The following ATAD3C variants were observed in gnomAD, a reference collection of about 807,000 sequenced individuals.
ATAD3C encodes the protein ATPase family AAA domain-containing protein 3C.
A neutral mutation model predicts 46.3 loss-of-function variants in ATAD3C; 38 were observed. The ratio of observed to expected loss-of-function variants is 0.82; its 90% confidence interval spans 0.63 to 1.08. The LOEUF (loss-of-function observed/expected upper bound fraction) is 1.08, where lower values mean the gene tolerates loss of function less well. Ranked by LOEUF, ATAD3C falls within the 50% of genes least tolerant of loss-of-function variation. The pLI is 0.00. For missense variants in ATAD3C, 563 were observed against 572.7 expected, an observed-to-expected ratio of 0.98 and a Z score of 0.17; for synonymous variants, 220 against 236.4, an observed-to-expected ratio of 0.93 and a Z score of 0.63.
rs1261936147 is a variant in ATAD3C, at chr1:1,459,315, C to T, written c.812+84C>T. The T allele has an allele frequency of 2.5e-6, 4 of 1,601,434 alleles. No individual in the cohort carries two copies. Among genetic ancestry groups the T allele is most frequent in the Non-Finnish European group, 3.4e-6 (4 of 1,175,744 alleles). On this transcript the variant is annotated intron_variant, in intron 9 of 11. Coordinates refer to ENST00000378785, the MANE Select transcript of ATAD3C (RefSeq NM_001039211.3). The surrounding 1 kb of genome is among the most constrained non-coding windows in gnomAD (Gnocchi z 4.9). ...GTTCCCACCGAGGGACCTGAGGGGC[C>T]CTGGCTCACAGTGCTGGGCAGCTGC...
chr1:1,462,537 G>T lies in ATAD3C; in HGVS notation c.981-63G>T. ...TGTCCGCCTGGCTGCCTGTCTTCCG[G>T]CCTCCACCTCGTGGTGTGGGAGCTG... On this transcript the variant is annotated intron_variant, in intron 10 of 11. Transcript: ENST00000378785. The surrounding 1 kb of genome is among the most constrained non-coding windows in gnomAD (Gnocchi z 4.5). 2.0e-6 allele frequency: 3 copies of T among 1,475,600 alleles called. No homozygotes were observed. In the South Asian group the frequency reaches 3.6e-5, roughly 18 times the overall value. 91.4% of individuals were successfully genotyped at this position (1,475,600 alleles called of 1,614,324 possible).
chr1:1,456,952 A>G (rs778076093), intron 7 of ATAD3C, among the ~76,000 whole-genome samples, 177 bp from the exon 8 acceptor site: 10 of 152,008 alleles, frequency 6.6e-5, no homozygotes, highest in South Asian at 4.2e-4. Flanking sequence ...CCTGCGGGGC[A>G]GAGTCTGCTT....
At chr1:1,467,258 T>C (rs1466864925) in intron 11 of ATAD3C, among the ~76,000 whole-genome samples, 4 of 152,032 alleles carry the variant, frequency 2.6e-5, no homozygotes, top group Non-Finnish European at 5.9e-5. Flanking sequence ...GGGCCCTGGG[T>C]GAGGTGCAGC....
At chr1:1,468,342 G>T in intron 11 of ATAD3C, 42 bp from the exon 12 acceptor site, 2 of 1,581,030 alleles carry the variant, frequency 1.3e-6, no homozygotes, top group Admixed American at 1.9e-5. Flanking sequence ...GGGGTGGGGG[G>T]TTCCCATGGC....
chr1:1,457,064 C>G (rs1035917147), intron 7 of ATAD3C, 65 bp from the exon 8 acceptor site: 6 of 1,606,520 alleles, frequency 3.7e-6, no homozygotes, highest in Non-Finnish European at 5.1e-6. Context: ...CTGCCATGGC[C>G]GGACGCCGCT....
intron 11 of ATAD3C, among the ~76,000 whole-genome samples, chr1:1,468,165 A>T (rs2100493764): frequency 6.6e-6 from 1 of 152,232 alleles, no homozygotes; most frequent in East Asian, 1.9e-4. Flanking sequence ...ATTGAGCAAC[A>T]TTGGTGCTGA....
rs190264554 is a variant in ATAD3C at position 1,459,247 on chromosome 1, G to A, written c.812+16G>A. On this transcript the variant is annotated intron_variant, in intron 9 of 11. Coordinates refer to ENST00000378785, the MANE Select transcript of ATAD3C (RefSeq NM_001039211.3). This position sits in a 1 kb window ranked among gnomAD's most constrained non-coding sequence, Gnocchi z 4.9. ...ACAGCAACAAGTGAGGGAGCCCCTC[G>A]GGTCCTGGGCCCCCGGGCAGGGCTG... is the stretch of plus-strand genomic sequence containing the variant. 18,226 of 1,611,752 alleles carry A rather than the reference G, an allele frequency of 0.011. 241 individuals carry two copies. Among genetic ancestry groups the A allele is most frequent in the Admixed American group, 0.058 (3,496 of 59,826 alleles).
chr1:1,464,294 C>T (rs938481135), intron 11 of ATAD3C, among the ~76,000 whole-genome samples: 10 of 151,622 alleles, frequency 6.6e-5, no homozygotes, highest in African/African-American at 2.4e-4. Context: ...CTGAAGGCTA[C>T]AGGCCCAAGG....
In ATAD3C at chr1:1,468,844, C is replaced by G. The variant is rs1355427133; in HGVS notation, c.*314C>G. 1 of 355,988 alleles carries G rather than the reference C, an allele frequency of 2.8e-6. No homozygotes were observed. Among genetic ancestry groups the G allele is most frequent in the African/African-American group, 2.2e-5 (1 of 46,128 alleles). The allele number at this position is 355,988 out of a possible 1,614,324, so 22.1% of individuals were successfully genotyped here. A position where few individuals can be genotyped will look rare whatever the true frequency, so the allele number is the denominator to read the frequency against. ...TGAGGCCGTGCATACGCGGGTGCCC[C>G]TTCGCCTCCCTCCCCTCCGCCAGAG... is the stretch of plus-strand genomic sequence containing the variant. On this transcript the variant is annotated 3_prime_UTR_variant, in exon 12 of 12. Coordinates refer to ENST00000378785, the MANE Select transcript of ATAD3C (RefSeq NM_001039211.3).
At chr1:1,464,734 G>A (rs1331355328) in intron 11 of ATAD3C, among the ~76,000 whole-genome samples, 1 of 151,878 alleles carries the variant, frequency 6.6e-6, no homozygotes, top group African/African-American at 2.4e-5. Context: ...TGGTGCCATT[G>A]AACTCCAGTC....
Position 1,469,834 on chromosome 1 carries a change from G to C in ATAD3C, c.*1304G>C, listed in dbSNP as rs1639213325. On this transcript the variant is annotated 3_prime_UTR_variant, in exon 12 of 12. Transcript: ENST00000378785. ...GTGACCTGCACTTATACATCCAGATGGCCTGAAGCAACTGAAGATCCACAA... is the reference window on the plus strand; with the variant it reads ...GTGACCTGCACTTATACATCCAGATCGCCTGAAGCAACTGAAGATCCACAA... 6.6e-6 allele frequency: 1 copy of C among 151,992 alleles called. No individual in the cohort carries two copies. The allele number at this position is 151,992 out of a possible 1,614,324, so 9.4% of individuals were successfully genotyped here.
chr1:1,465,414 A>G (rs1639129433), intron 11 of ATAD3C, among the ~76,000 whole-genome samples: 1 of 149,186 alleles, frequency 6.7e-6, no homozygotes. Context: ...ACATGGTGAA[A>G]CCCCATCTCT....
chr1:1,457,624 C>A lies in ATAD3C; in HGVS notation c.741+444C>A, dbSNP rs935049763. Among the ~76,000 whole-genome samples, 223 of 124,078 alleles carry A rather than the reference C, an allele frequency of 1.8e-3. 1 individual carries two copies. The highest frequency in any genetic ancestry group is 6.4e-3 in the African/African-American group (176 of 27,406). 81.4% of individuals were successfully genotyped at this position (124,078 alleles called of 152,430 possible). A position where few individuals can be genotyped will look rare whatever the true frequency, so the allele number is the denominator to read the frequency against. ...AAAAAAAAAAAAAAAACAAAAAAAA[C>A]AGCATTTTTTTAGGTCAGCTTAAAG... is the stretch of plus-strand genomic sequence containing the variant. On this transcript the variant is annotated intron_variant, in intron 8 of 11. Coordinates refer to ENST00000378785, the MANE Select transcript of ATAD3C (RefSeq NM_001039211.3).
chr1:1,457,472 C>T lies in ATAD3C; in HGVS notation c.741+292C>T, dbSNP rs372469838. 3.9e-3 allele frequency among the ~76,000 whole-genome samples: 586 copies of T among 150,626 alleles called. 6 individuals carry two copies. Among genetic ancestry groups the T allele is most frequent in the African/African-American group, 0.013 (517 of 41,102 alleles). ...TTAGCTGTGCGTGGTGGCGGGCGCC[C>T]GTAGTCCCAGCTACTCGGGAGGCTG... is the stretch of plus-strand genomic sequence containing the variant. On this transcript the variant is annotated intron_variant, in intron 8 of 11. Transcript: ENST00000378785.
Position 1,469,653 on chromosome 1 carries a change from G to A in ATAD3C, c.*1123G>A, listed in dbSNP as rs1435986673. 6.6e-6 allele frequency: 1 copy of A among 151,392 alleles called. No homozygotes were observed. The highest frequency in any genetic ancestry group is 1.5e-5 in the Non-Finnish European group (1 of 67,948). 9.4% of individuals were successfully genotyped at this position (151,392 alleles called of 1,614,324 possible). On this transcript the variant is annotated 3_prime_UTR_variant, in exon 12 of 12. Coordinates refer to ENST00000378785, the MANE Select transcript of ATAD3C (RefSeq NM_001039211.3). Reference sequence around the variant, plus strand: ...GGCTTCCTAAAGTGTTGGGATTACAGGCTTGAGCCACCGTGCCTGGTCTGT... The same window carrying A: ...GGCTTCCTAAAGTGTTGGGATTACAAGCTTGAGCCACCGTGCCTGGTCTGT...
chr1:1,460,786 G>A lies in ATAD3C; in HGVS notation c.849G>A (p.Gln283=), dbSNP rs1182052102. 1 of 1,612,032 alleles carries A rather than the reference G, an allele frequency of 6.2e-7. No homozygotes were observed. Among genetic ancestry groups the A allele is most frequent in the Non-Finnish European group, 8.5e-7 (1 of 1,178,984 alleles). Residue 283 remains glutamine, a synonymous_variant, in exon 10 of 12, where the codon CAG becomes CAA. Coordinates refer to ENST00000378785, the MANE Select transcript of ATAD3C (RefSeq NM_001039211.3). ...TCCTGGCCAGCTGCCACCCCGAGCA[G>A]TTCGACTGGGCCATCAATGCCTGCA... The part of the protein sequence containing the change: ...MLILASCHPE[Q]FDWAINACID...
In ATAD3C at chr1:1,460,736, T is replaced by A. The variant is rs375748780; in HGVS notation, c.813-14T>A. On this transcript the variant is annotated splice_polypyrimidine_tract_variant and intron_variant, in intron 9 of 11. Coordinates refer to ENST00000378785, the MANE Select transcript of ATAD3C (RefSeq NM_001039211.3). ...GGCAGCCCCAGCGTTTCCTTCCCCA[T>A]CCCCGCCCCGCAGATTCATGCTGAT... 5.5e-5 allele frequency: 87 copies of A among 1,593,232 alleles called. 3 individuals carry two copies. Among genetic ancestry groups the A allele is most frequent in the Middle Eastern group, 5.0e-4 (3 of 5,984 alleles).
Position 1,467,970 on chromosome 1 carries a change from G to A in ATAD3C, c.1090-414G>A, listed in dbSNP as rs537265337. 2.0e-5 allele frequency among the ~76,000 whole-genome samples: 3 copies of A among 152,100 alleles called. No individual in the cohort carries two copies. In the South Asian group the frequency reaches 6.2e-4, roughly 32 times the overall value. ...AGCCACGTGCCTCAAGGTGGGCAGT[G>A]GCTGCCTCTGCCCTGGAGGCCTGTG... On this transcript the variant is annotated intron_variant, in intron 11 of 11. Coordinates refer to ENST00000378785, the MANE Select transcript of ATAD3C (RefSeq NM_001039211.3).
intron 11 of ATAD3C, among the ~76,000 whole-genome samples, chr1:1,467,633 G>C (rs1003435253): frequency 1.3e-5 from 2 of 152,056 alleles, no homozygotes; most frequent in Non-Finnish European, 2.9e-5. Context: ...CTAGGGACCC[G>C]CTCAGCTGTC....
Sources: allele counts gnomAD v4.1 joint callset (sites outside exome capture counted in the v4.1 genomes callset), GRCh38; gene constraint gnomAD v4.1.1; non-coding constraint Gnocchi (gnomAD v3.1); transcripts MANE v1.5; gene names NCBI Gene and HGNC (gene_info 2026-07-23, HGNC 2026-07-21).